Variants in SYT1 observed in about 807,000 individuals in gnomAD.
SYT1 encodes synaptotagmin-1.
In SYT1, 8 loss-of-function variants were observed where a neutral mutation model predicts 44.8. The ratio of observed to expected loss-of-function variants is 0.18; its 90% CI spans 0.10 to 0.32. The LOEUF (loss-of-function observed/expected upper bound fraction) is 0.32, where lower values mean the gene tolerates loss of function less well. Among genes scored for constraint, SYT1 ranks in the 10% least tolerant of loss-of-function variants. The probability of loss-of-function intolerance (pLI) is 1.00; values close to 1 mark genes in which losing one functional copy is unlikely to be tolerated. For missense variants in SYT1, 286 were observed against 509.3 expected (o/e 0.56, Z 4.22); for synonymous variants, 154 against 188.8 (o/e 0.82, Z 1.51).
At chr12:79,013,823 T>C (rs1871588113) in intron 2 of SYT1, among the ~76,000 whole-genome samples, 2 of 152,126 alleles carry the variant, frequency 1.3e-5, no homozygotes, top group African/African-American at 4.8e-5. Context: ...ATTATGTCCA[T>C]TTTGTTAGAA....
At chr12:79,447,823 C>T (rs184922729) in intron 10 of SYT1, among the ~76,000 whole-genome samples, 1 of 152,144 alleles carries the variant, frequency 6.6e-6, no homozygotes, top group South Asian at 2.1e-4. Flanking sequence ...AGCTGTATAT[C>T]AATGACATTT....
intron 3 of SYT1, among the ~76,000 whole-genome samples, chr12:79,132,626 G>A (rs1303580928): frequency 7.1e-6 from 1 of 141,318 alleles, no homozygotes; most frequent in Non-Finnish European, 1.5e-5. Context: ...ATTGTTTATG[G>A]GAATGTAAAT....
intron 8 of SYT1, among the ~76,000 whole-genome samples, chr12:79,341,827 C>T (rs1297429420): frequency 1.3e-5 from 2 of 151,890 alleles, no homozygotes; most frequent in Non-Finnish European, 2.9e-5. Flanking sequence ...CGCCACCATG[C>T]CCAGCTAATT....
intron 4 of SYT1, among the ~76,000 whole-genome samples, chr12:79,231,749 G>C (rs933811810): frequency 2.0e-5 from 3 of 152,116 alleles, no homozygotes; most frequent in African/African-American, 7.2e-5. Context: ...ATTTGGATCA[G>C]ATTATTTTAA....
intron 9 of SYT1, among the ~76,000 whole-genome samples, chr12:79,411,576 T>C (rs1261522052): frequency 1.3e-5 from 2 of 152,148 alleles, no homozygotes. Flanking sequence ...TTTATATAAA[T>C]CAAACCTTTT....
intron 3 of SYT1, among the ~76,000 whole-genome samples, chr12:79,119,801 TG>T (rs1023998421): frequency 2.6e-5 from 4 of 152,116 alleles, no homozygotes; most frequent in African/African-American, 9.7e-5. Context: ...ATTCATAAGT[TG>T]TTTTTTTTTT....
At chr12:79,418,838 G>A (rs1047376447) in intron 9 of SYT1, among the ~76,000 whole-genome samples, 1 of 152,056 alleles carries the variant, frequency 6.6e-6, no homozygotes, top group African/African-American at 2.4e-5. Flanking sequence ...GATAAGAGTG[G>A]TTTTCAATGC....
At chr12:78,881,317 C>G (rs964196421) in intron 1 of SYT1, among the ~76,000 whole-genome samples, 1 of 151,580 alleles carries the variant, frequency 6.6e-6, no homozygotes, top group African/African-American at 2.4e-5. Context: ...GAAATTTTTC[C>G]CAACCCATCT....
chr12:79,145,403 ATATT>A (rs1869815426), intron 3 of SYT1, among the ~76,000 whole-genome samples: 1 of 152,152 alleles, frequency 6.6e-6, no homozygotes, highest in South Asian at 2.1e-4. Context: ...CTCATCAGAA[ATATT>A]TAAATTAATA....
chr12:79,403,372 A>T lies in SYT1; in HGVS notation c.929-40701A>T, dbSNP rs536277017. 5.3e-5 allele frequency among the ~76,000 whole-genome samples: 8 copies of T among 152,266 alleles called. No homozygotes were observed. The South Asian group carries it at 1.7e-3, about 32-fold the overall frequency. Reference sequence around the variant, plus strand: ...CAAAATTTGCAGAGTAGCCCAGTAGACTGGAGACCCAGGAAATACTTGATG... The same window carrying T: ...CAAAATTTGCAGAGTAGCCCAGTAGTCTGGAGACCCAGGAAATACTTGATG... On this transcript the variant is annotated intron_variant, in intron 9 of 10. Coordinates refer to ENST00000261205, the MANE Select transcript of SYT1 (RefSeq NM_005639.3).
At chr12:79,082,670 A>T (rs1266355613) in intron 3 of SYT1, among the ~76,000 whole-genome samples, 1 of 152,206 alleles carries the variant, frequency 6.6e-6, no homozygotes, top group African/African-American at 2.4e-5. Context: ...TGCTTGCTGT[A>T]TCTGAGCCAA....
chr12:79,306,021 C>T (rs1880378703), intron 8 of SYT1, among the ~76,000 whole-genome samples: 1 of 152,134 alleles, frequency 6.6e-6, no homozygotes, highest in Non-Finnish European at 1.5e-5. Flanking sequence ...TAAAGAGTCT[C>T]TCTTGGTCTT....
chr12:79,245,491 A>G lies in SYT1; in HGVS notation c.166+27806A>G, dbSNP rs903070664. On this transcript the variant is annotated intron_variant, in intron 4 of 10. Transcript: ENST00000261205. ...CCGTCAACAAAAAAAAAAAAAAAAG[A>G]AAAGAAAAAAGAAAAAAAAAACTTC... 1.0e-4 allele frequency among the ~76,000 whole-genome samples: 14 copies of G among 140,416 alleles called. No homozygotes were observed. The East Asian group carries it at 1.2e-3, about 12-fold the overall frequency. The allele number at this position is 140,416 out of a possible 152,430, so 92.1% of individuals were successfully genotyped here. A position where few individuals can be genotyped will look rare whatever the true frequency, so the allele number is the denominator to read the frequency against.
At chr12:78,895,436 T>A (rs1875306463) in intron 1 of SYT1, among the ~76,000 whole-genome samples, 1 of 151,694 alleles carries the variant, frequency 6.6e-6, no homozygotes, top group African/African-American at 2.4e-5. Flanking sequence ...ATAAGCAGAC[T>A]AAAGAAAAAC....
At chr12:79,048,761 T>C (rs1221859855) in intron 3 of SYT1, among the ~76,000 whole-genome samples, 1 of 151,886 alleles carries the variant, frequency 6.6e-6, no homozygotes, top group African/African-American at 2.4e-5. Context: ...GAATCAGATT[T>C]TTCTGTCATA....
intron 1 of SYT1, among the ~76,000 whole-genome samples, chr12:78,884,701 G>A (rs1280789336): frequency 1.3e-5 from 2 of 151,040 alleles, no homozygotes; most frequent in African/African-American, 4.8e-5. Context: ...TCTTTGGTTT[G>A]GGGCTGCAAT....
chr12:79,416,572 T>A (rs991354724), intron 9 of SYT1, among the ~76,000 whole-genome samples: 5 of 152,160 alleles, frequency 3.3e-5, no homozygotes, highest in African/African-American at 1.2e-4. Context: ...GGTAATTTAG[T>A]TTTGGGCTTT....
chr12:78,967,142 A>C (rs1527075), intron 1 of SYT1, among the ~76,000 whole-genome samples: 10,986 of 152,234 alleles, frequency 0.072, 444 homozygotes, highest in African/African-American at 0.1. Flanking sequence ...TATTAAGTGC[A>C]TAGTTGGCAA....
chr12:79,251,323 A>G (rs1029500260), intron 4 of SYT1, among the ~76,000 whole-genome samples: 2 of 152,082 alleles, frequency 1.3e-5, no homozygotes, highest in Non-Finnish European at 2.9e-5. Flanking sequence ...AACAATGGAT[A>G]TGAACCTGGA....
Sources: allele counts gnomAD v4.1 joint callset (sites outside exome capture counted in the v4.1 genomes callset), GRCh38; gene constraint gnomAD v4.1.1; transcripts MANE v1.5; gene names NCBI Gene and HGNC (gene_info 2026-07-23, HGNC 2026-07-21).